Variants in SCN2A observed in about 807,000 individuals in gnomAD.
SCN2A encodes sodium channel protein type 2 subunit alpha.
Under a neutral mutation model 188.7 loss-of-function variants are expected in SCN2A, and 20 were observed. That is an observed-to-expected ratio of 0.11 (90% CI 0.07 to 0.15). SCN2A has a LOEUF of 0.15. SCN2A is among the 10% of genes least tolerant of loss of function. The probability of loss-of-function intolerance (pLI) is 1.00; values close to 1 mark genes in which losing one functional copy is unlikely to be tolerated. For missense variants in SCN2A, 1,278 were observed against 2,445.0 expected (o/e 0.52, Z 10.07); for synonymous variants, 804 against 833.1 (o/e 0.97, Z 0.60).
Position 165,392,185 on chromosome 2 carries a change from G to A in SCN2A, c.*2361G>A, listed in dbSNP as rs1702144420. 6.6e-6 allele frequency: 1 copy of A among 152,330 alleles called. No individual in the cohort carries two copies. The highest frequency in any genetic ancestry group is 1.5e-5 in the Non-Finnish European group (1 of 67,934). The allele number at this position is 152,330 out of a possible 1,614,324, so 9.4% of individuals were successfully genotyped here. A position where few individuals can be genotyped will look rare whatever the true frequency, so the allele number is the denominator to read the frequency against. On this transcript the variant is annotated 3_prime_UTR_variant, in exon 27 of 27. Coordinates refer to ENST00000375437, the MANE Select transcript of SCN2A (RefSeq NM_001040142.2). Reference sequence around the variant, plus strand: ...TAATTCATCTTTCAATTTTTTCATGGAATGGAAGTTAATTAAGAAGAGTGT... The same window carrying A: ...TAATTCATCTTTCAATTTTTTCATGAAATGGAAGTTAATTAAGAAGAGTGT...
chr2:165,383,609 A>G (rs991621818), intron 25 of SCN2A, among the ~76,000 whole-genome samples: 2 of 152,180 alleles, frequency 1.3e-5, no homozygotes, highest in African/African-American at 2.4e-5. Flanking sequence ...GTGTGAATAC[A>G]TTGTAGACTT....
At chr2:165,320,841 G>A (rs1483835419) in intron 11 of SCN2A, among the ~76,000 whole-genome samples, 1 of 152,192 alleles carries the variant, frequency 6.6e-6, no homozygotes, top group East Asian at 1.9e-4. Flanking sequence ...TGTGACGGGA[G>A]GGGCTGCTGC....
chr2:165,360,255 G>A (rs1700394205), intron 17 of SCN2A, among the ~76,000 whole-genome samples: 1 of 151,794 alleles, frequency 6.6e-6, no homozygotes, highest in Non-Finnish European at 1.5e-5. Context: ...TTTCTGTTGT[G>A]ATTCATTATT....
intron 1 of SCN2A, chr2:165,268,494 G>A (rs184076306): frequency 4.0e-5 from 6 of 151,888 alleles, no homozygotes; most frequent in Admixed American, 3.9e-4. Flanking sequence ...TCCCTTTATG[G>A]TAAAAAATCC....
rs1178289931 is a variant in SCN2A, at chr2:165,265,471, CTATATATATATATATATA to C, written c.-52+25859_-52+25876del. On this transcript the variant is annotated intron_variant, in intron 1 of 26. Coordinates refer to ENST00000375437, the MANE Select transcript of SCN2A (RefSeq NM_001040142.2). ...TAGGTTATGTGTTTACTCTGTTGATCTATATATATATATATATATATATATATATATATATATATATAT... is the reference window on the plus strand; with the variant it reads ...TAGGTTATGTGTTTACTCTGTTGATCTATATATATATATATATATATATAT... Among the ~76,000 whole-genome samples, 338 of 29,036 alleles carry C rather than the reference CTATATATATATATATATA, an allele frequency of 0.012. 19 individuals are homozygous for C. In the East Asian group the frequency reaches 0.18, roughly 15 times the overall value. 19.0% of individuals were successfully genotyped at this position (29,036 alleles called of 152,430 possible).
chr2:165,299,694 A>T (rs1696699419), intron 3 of SCN2A, among the ~76,000 whole-genome samples: 1 of 152,128 alleles, frequency 6.6e-6, no homozygotes, highest in African/African-American at 2.4e-5. Context: ...TTTGTCCTTT[A>T]TTCCTCTTGT....
chr2:165,291,998 C>A (rs1198087873), intron 1 of SCN2A, among the ~76,000 whole-genome samples: 1 of 152,070 alleles, frequency 6.6e-6, no homozygotes, highest in Non-Finnish European at 1.5e-5. Context: ...GGTTGGGAGG[C>A]TAGAGCTGCT....
intron 14 of SCN2A, among the ~76,000 whole-genome samples, chr2:165,332,889 A>C (rs1698771423): frequency 6.6e-6 from 1 of 152,030 alleles, no homozygotes; most frequent in African/African-American, 2.4e-5. Flanking sequence ...ATTGGGAATC[A>C]GCTTCTTGTC....
intron 17 of SCN2A, among the ~76,000 whole-genome samples, chr2:165,358,782 T>C (rs1163681375): frequency 6.6e-6 from 1 of 152,074 alleles, no homozygotes; most frequent in African/African-American, 2.4e-5. Flanking sequence ...AACTCCTGTA[T>C]AGGAAAAGAA....
intron 1 of SCN2A, among the ~76,000 whole-genome samples, chr2:165,244,319 G>A (rs932301339): frequency 2.0e-5 from 3 of 152,046 alleles, no homozygotes; most frequent in Non-Finnish European, 2.9e-5. Context: ...ACACTCATAC[G>A]TTAGTGTTAT....
intron 26 of SCN2A, among the ~76,000 whole-genome samples, chr2:165,387,386 C>T (rs1267917206): frequency 6.6e-6 from 1 of 152,118 alleles, no homozygotes; most frequent in Non-Finnish European, 1.5e-5. Context: ...ATACATAAAT[C>T]ATTTGAAGTA....
chr2:165,291,503 C>CTTTCTTTT (rs1696172632), intron 1 of SCN2A, among the ~76,000 whole-genome samples: 1 of 106,558 alleles, frequency 9.4e-6, no homozygotes, highest in African/African-American at 3.4e-5. Flanking sequence ...TTCTTTCTTT[C>CTTTCTTTT]TTTCTTTCTT....
At chr2:165,302,240 A>G (rs1370272752) in intron 3 of SCN2A, among the ~76,000 whole-genome samples, 2 of 152,228 alleles carry the variant, frequency 1.3e-5, no homozygotes, top group African/African-American at 4.8e-5. Flanking sequence ...ATCTACTGGC[A>G]AATAGGAGTT....
At chr2:165,276,951 G>A (rs532444444) in intron 1 of SCN2A, among the ~76,000 whole-genome samples, 11 of 152,210 alleles carry the variant, frequency 7.2e-5, no homozygotes, top group African/African-American at 2.6e-4. Context: ...TGAGGTGGGC[G>A]GATCACGAGG....
chr2:165,328,995 T>C (rs1307583200), intron 13 of SCN2A, among the ~76,000 whole-genome samples: 3 of 150,154 alleles, frequency 2.0e-5, no homozygotes, highest in Non-Finnish European at 4.4e-5. Context: ...CCTTTTTTTT[T>C]TTTTTTTTTT....
In SCN2A at chr2:165,350,400, G is replaced by C. The variant is rs537938568; in HGVS notation, c.2920-3792G>C. ...AGAGTTGATTTCATTTACTGAGCTA[G>C]CACATTTGTGAAACAGGATTCAGGA... On this transcript the variant is annotated intron_variant, in intron 16 of 26. Coordinates refer to ENST00000375437, the MANE Select transcript of SCN2A (RefSeq NM_001040142.2). Among the ~76,000 whole-genome samples, 4 of 150,828 alleles carry C rather than the reference G, an allele frequency of 2.7e-5. No individual in the cohort carries two copies. In the South Asian group the frequency reaches 8.4e-4, roughly 32 times the overall value.
At chr2:165,356,053 T>G (rs1574669214) in intron 17 of SCN2A, among the ~76,000 whole-genome samples, 1 of 152,052 alleles carries the variant, frequency 6.6e-6, no homozygotes, top group African/African-American at 2.4e-5. Context: ...ATTTATTTGA[T>G]AAAATTACTA....
chr2:165,282,288 A>G (rs1054264526), intron 1 of SCN2A, among the ~76,000 whole-genome samples: 2 of 152,104 alleles, frequency 1.3e-5, no homozygotes, highest in Admixed American at 6.6e-5. Flanking sequence ...TGGCAGGCTC[A>G]TGGGAAGGGT....
Position 165,389,005 on chromosome 2 carries a change from T to G in SCN2A, c.5199T>G (p.Pro1733=). 1 of 1,614,118 alleles carries G rather than the reference T, an allele frequency of 6.2e-7. No individual in the cohort carries two copies. Among genetic ancestry groups the G allele is most frequent in the Non-Finnish European group, 8.5e-7 (1 of 1,180,008 alleles). Residue 1733 remains proline, a synonymous_variant, in exon 27 of 27, where the codon CCT becomes CCG. Coordinates refer to ENST00000375437, the MANE Select transcript of SCN2A (RefSeq NM_001040142.2). This position sits in a 1 kb window ranked among gnomAD's most constrained non-coding sequence, Gnocchi z 4.2. The stretch of plus-strand genomic sequence containing the variant: ...ATAGTGGACCTCCAGACTGTGACCC[T>G]GACAAAGATCACCCTGGAAGCTCAG... ...ILNSGPPDCD[P]DKDHPGSSVK...
Sources: allele counts gnomAD v4.1 joint callset (sites outside exome capture counted in the v4.1 genomes callset), GRCh38; gene constraint gnomAD v4.1.1; non-coding constraint Gnocchi (gnomAD v3.1); transcripts MANE v1.5; gene names NCBI Gene and HGNC (gene_info 2026-07-23, HGNC 2026-07-21).